Variants in PHF19 observed in about 807,000 individuals in gnomAD.
PHF19 encodes the protein PHD finger protein 19, also known as polycomb like 3.
PHF19 carries 21 observed loss-of-function variants against 79.8 expected under a neutral mutation model. That is an observed-to-expected ratio of 0.26 (90% CI 0.19 to 0.38). The LOEUF is 0.38. PHF19 is among the 10% of genes least tolerant of loss of function. PHF19 has a pLI of 1.00. For missense variants in PHF19, 445 were observed against 744.2 expected (o/e 0.60, Z 4.68); for synonymous variants, 273 against 296.3 (o/e 0.92, Z 0.81).
upstream of PHF19, chr9:120,877,299 GC>G (rs1245070679): frequency 1.1e-5 from 11 of 968,020 alleles, no homozygotes; most frequent in Non-Finnish European, 1.2e-5. Flanking sequence ...TCAGGAAGGG[GC>G]CCCCCGGGCG....
Position 120,865,219 on chromosome 9 carries a change from G to A in PHF19, c.900+491C>T, listed in dbSNP as rs535064589. 1.2e-4 allele frequency among the ~76,000 whole-genome samples: 19 copies of A among 152,310 alleles called. No homozygotes were observed. The East Asian group carries it at 2.1e-3, about 17-fold the overall frequency. On this transcript the variant is annotated intron_variant, in intron 9 of 14. Transcript: ENST00000373896. ...AGGGAAAAGAAGACACAGCACCCCC[G>A]TGGGAGTGATTAGGGAGGCCCTGGC...
At position 120,891,098 on chromosome 9, in the gene PHF19, C is replaced by G. The variant is rs943397908; in HGVS notation, c.42+3690G>C. On this transcript the variant is annotated intron_variant, in intron 1 of 14. Coordinates refer to the PHF19 transcript ENST00000616568. The surrounding 1 kb of genome is among the most constrained non-coding windows in gnomAD (Gnocchi z 4.3). ...GGATGGTCCTTATTCCCAAAACTCA[C>G]CCCAAGCCTCTCCTGCAGGGGTGGG... Among the ~76,000 whole-genome samples the G allele has an allele frequency of 3.3e-5, 5 of 152,158 alleles. No homozygotes were observed. Among genetic ancestry groups the G allele is most frequent in the African/African-American group, 1.2e-4 (5 of 41,436 alleles).
At chr9:120,883,005 C>T (rs2046210278) in intron 1 of PHF19, among the ~76,000 whole-genome samples, 1 of 152,084 alleles carries the variant, frequency 6.6e-6, no homozygotes. Flanking sequence ...TTATCATGTC[C>T]TCAGCATGGA....
upstream of PHF19, among the ~76,000 whole-genome samples, chr9:120,898,522 G>A (rs1345347304): frequency 6.6e-6 from 1 of 152,248 alleles, no homozygotes; most frequent in African/African-American, 2.4e-5. Flanking sequence ...CAACAAATGA[G>A]TGCTATCATC....
chr9:120,874,484 C>A lies in PHF19; in HGVS notation c.186+72G>T. 1 of 1,047,664 alleles carries A rather than the reference C, an allele frequency of 9.5e-7. No homozygotes were observed. The highest frequency in any genetic ancestry group is 1.4e-5 in the South Asian group (1 of 69,794). The allele number at this position is 1,047,664 out of a possible 1,614,324, so 64.9% of individuals were successfully genotyped here. ...TCCAGCAATCCCCCTGCCCCCTGGT[C>A]TGACAGCCAGGCTGGAACATGAGCA... is the stretch of plus-strand genomic sequence containing the variant. On this transcript the variant is annotated intron_variant, in intron 2 of 14. Transcript: ENST00000373896. The surrounding 1 kb of genome is among the most constrained non-coding windows in gnomAD (Gnocchi z 4.5).
intron 6 of PHF19, among the ~76,000 whole-genome samples, chr9:120,867,729 T>G (rs974936953): frequency 3.9e-5 from 6 of 152,176 alleles, no homozygotes; most frequent in Non-Finnish European, 7.3e-5. Context: ...GAAGTTAAGG[T>G]TAAGCCCATT....
chr9:120,869,271 C>T lies in PHF19; in HGVS notation c.525G>A (p.Val175=), dbSNP rs758812919. The T allele has an allele frequency of 1.2e-6, 2 of 1,612,950 alleles. No homozygotes were observed. Among genetic ancestry groups the T allele is most frequent in the South Asian group, 2.2e-5 (2 of 90,824 alleles). Residue 175 remains valine (V), a synonymous_variant, in exon 6 of 15, where the codon GTG becomes GTA. Coordinates refer to ENST00000373896, the MANE Select transcript of PHF19 (RefSeq NM_015651.3). This position sits in a 1 kb window ranked among gnomAD's most constrained non-coding sequence, Gnocchi z 5.8. ...IARTLQAVKM[V]LSYQPEELEW... is the part of the protein sequence containing the mutation. ...CGAGCTCCTCGGGCTGGTAGGACAG[C>T]ACCATCTTCACGGCCTGCAGCGTCC...
Position 120,869,087 on chromosome 9 carries a change from G to GC in PHF19, c.614+94dup. On this transcript the variant is annotated intron_variant, in intron 6 of 14. Transcript: ENST00000373896. This position sits in a 1 kb window ranked among gnomAD's most constrained non-coding sequence, Gnocchi z 5.8. ...GCCCGCCCTCAAGGTCCCCGCCTTG[G>GC]CTGACACGCCAGGCTCGCTCCCTAT... 7.4e-7 allele frequency: 1 copy of GC among 1,343,890 alleles called. No individual in the cohort carries two copies. Among genetic ancestry groups the GC allele is most frequent in the South Asian group, 1.5e-5 (1 of 68,214 alleles). 83.2% of individuals were successfully genotyped at this position (1,343,890 alleles called of 1,614,324 possible).
upstream of PHF19, among the ~76,000 whole-genome samples, chr9:120,880,662 A>G (rs1157654088): frequency 4.6e-5 from 7 of 152,344 alleles, no homozygotes; most frequent in East Asian, 9.6e-4. Flanking sequence ...ATGATAAAAA[A>G]TGTTTCTTAA....
chr9:120,865,951 G>T, intron 8 of PHF19, 77 bp downstream of exon 8: 1 of 1,572,416 alleles, frequency 6.4e-7, no homozygotes, highest in East Asian at 2.2e-5. Context: ...GCTGGAAATG[G>T]AATTGTTCCA....
At chr9:120,863,891 G>C (rs2045614805) in intron 10 of PHF19, among the ~76,000 whole-genome samples, 158 bp downstream of exon 10, 4 of 152,230 alleles carry the variant, frequency 2.6e-5, no homozygotes, top group Admixed American at 2.6e-4. Flanking sequence ...CTGTGCAAAG[G>C]AGGTGGGGTA....
At chr9:120,864,705 T>A (rs190085422) in intron 9 of PHF19, among the ~76,000 whole-genome samples, 1 of 151,804 alleles carries the variant, frequency 6.6e-6, no homozygotes, top group Admixed American at 6.6e-5. Context: ...AAACAAAAAA[T>A]TTTATGAAGA....
chr9:120,859,340 G>A (rs2045450295), intron 14 of PHF19, among the ~76,000 whole-genome samples: 1 of 142,414 alleles, frequency 7.0e-6, no homozygotes, highest in South Asian at 2.3e-4. Flanking sequence ...GGCTGCTCTT[G>A]AACTACTGAC....
intron 6 of PHF19, chr9:120,868,641 G>T: frequency 4.6e-6 from 1 of 216,922 alleles, no homozygotes; most frequent in Non-Finnish European, 7.9e-6. Context: ...CGCGGAGCCG[G>T]CCTTCTGTTC....
the PHF19 span, among the ~76,000 whole-genome samples, chr9:120,899,960 T>C: frequency 1.4e-4 from 21 of 152,286 alleles, no homozygotes; most frequent in South Asian, 4.1e-3. Context: ...CGAGTGTGAA[T>C]GTTGAGTTGG....
chr9:120,886,178 A>G (rs1257389467), intron 1 of PHF19, among the ~76,000 whole-genome samples: 2 of 152,236 alleles, frequency 1.3e-5, no homozygotes, highest in South Asian at 2.1e-4. Flanking sequence ...GAGAGAGCCC[A>G]GCTGTGTGGG....
At chr9:120,880,698 A>G (rs2046166983), upstream of PHF19, among the ~76,000 whole-genome samples, 1 of 152,192 alleles carries the variant, frequency 6.6e-6, no homozygotes, top group Non-Finnish European at 1.5e-5. Flanking sequence ...CCGTGGCTCA[A>G]GTCTGTATTC....
At chr9:120,900,179 G>A in the PHF19 span, among the ~76,000 whole-genome samples, 1 of 152,056 alleles carries the variant, frequency 6.6e-6, no homozygotes, top group Non-Finnish European at 1.5e-5. Context: ...TAGAGACAGG[G>A]TTTCGCCATG....
chr9:120,861,308 C>T (rs2045517206), intron 12 of PHF19, 134 bp from the exon 13 acceptor site: 1 of 704,378 alleles, frequency 1.4e-6, no homozygotes, highest in African/African-American at 1.7e-5. Flanking sequence ...ACCTTTATTC[C>T]AAGTCCTGAC....
Sources: allele counts gnomAD v4.1 joint callset (sites outside exome capture counted in the v4.1 genomes callset), GRCh38; gene constraint gnomAD v4.1.1; non-coding constraint Gnocchi (gnomAD v3.1); transcripts MANE v1.5; gene names NCBI Gene and HGNC (gene_info 2026-07-23, HGNC 2026-07-21).